Variants in RPS20 observed in about 807,000 individuals in gnomAD.
RPS20 encodes small ribosomal subunit protein uS10.
Under a neutral mutation model 15.3 loss-of-function variants are expected in RPS20, and 3 were observed. The observed-to-expected ratio is 0.20, with a 90% CI of 0.09 to 0.51. The LOEUF (loss-of-function observed/expected upper bound fraction) is 0.51. Ranked by LOEUF, RPS20 falls within the 20% of genes least tolerant of loss-of-function variation. The probability of loss-of-function intolerance (pLI) is 0.96; values close to 1 mark genes in which losing one functional copy is unlikely to be tolerated. For missense variants in RPS20, 67 were observed against 145.9 expected (o/e 0.46, Z 2.79); for synonymous variants, 62 against 47.8 (o/e 1.30, Z -1.23).
chr8:56,072,439 C>G (rs1460030473), downstream of RPS20, among the ~76,000 whole-genome samples: 3 of 150,868 alleles, frequency 2.0e-5, no homozygotes, highest in African/African-American at 4.9e-5. Flanking sequence ...GTAATCCCAA[C>G]TACTTGGGAG....
chr8:56,072,503 G>GAAC (rs939866893), downstream of RPS20, among the ~76,000 whole-genome samples: 2 of 149,156 alleles, frequency 1.3e-5, no homozygotes, highest in African/African-American at 5.0e-5. Context: ...AGTGAGCCAA[G>GAAC]AACACACCAC....
chr8:56,068,608 T>C (rs1286907062), downstream of RPS20: 1 of 149,236 alleles, frequency 6.7e-6, no homozygotes, highest in Non-Finnish European at 1.5e-5. Context: ...CAGAAGGTCA[T>C]GCAATCAATA....
downstream of RPS20, chr8:56,069,965 T>C (rs1809707447): frequency 3.0e-6 from 2 of 658,362 alleles, no homozygotes; most frequent in African/African-American, 1.8e-5. Context: ...GTATTACAAG[T>C]AATCTAGAGA....
At chr8:56,072,699 A>G (rs985810072), downstream of RPS20, 14 of 182,824 alleles carry the variant, frequency 7.7e-5, no homozygotes, top group Non-Finnish European at 1.3e-4. Flanking sequence ...TAAGGACGTT[A>G]AACTTGGTTA....
chr8:56,072,553 C>T (rs931229757), downstream of RPS20, among the ~76,000 whole-genome samples: 2 of 148,856 alleles, frequency 1.3e-5, no homozygotes, highest in African/African-American at 2.5e-5. Context: ...CGCCGTCCCC[C>T]CCCCCAAAAA....
intron 2 of RPS20, 98 bp from the exon 3 acceptor site, chr8:56,073,866 C>T (rs1809843127): frequency 8.2e-7 from 1 of 1,213,742 alleles, no homozygotes; most frequent in Middle Eastern, 1.9e-4. Context: ...AAAATTATCA[C>T]CGTTACTCAA....
chr8:56,068,805 A>ATTTT (rs1320901753), downstream of RPS20, among the ~76,000 whole-genome samples: 5 of 41,526 alleles, frequency 1.2e-4, no homozygotes, highest in Admixed American at 3.5e-4. Flanking sequence ...TGGTGAAAAT[A>ATTTT]TCTTTTTTTT....
chr8:56,072,749 A>C (rs1429631380), downstream of RPS20: 13 of 354,150 alleles, frequency 3.7e-5, no homozygotes, highest in Non-Finnish European at 4.7e-5. Context: ...ACACGTGCCT[A>C]CTAGCGCACT....
chr8:56,074,489 C>T lies in RPS20; in HGVS notation c.-106G>A, dbSNP rs1254104206. 7.9e-7 allele frequency: 1 copy of T among 1,267,014 alleles called. No homozygotes were observed. Among genetic ancestry groups the T allele is most frequent in the East Asian group, 2.5e-5 (1 of 39,324 alleles). 78.5% of individuals were successfully genotyped at this position (1,267,014 alleles called of 1,614,324 possible). A position where few individuals can be genotyped will look rare whatever the true frequency, so the allele number is the denominator to read the frequency against. On this transcript the variant is annotated 5_prime_UTR_variant, in exon 1 of 4. Coordinates refer to ENST00000009589, the MANE Select transcript of RPS20 (RefSeq NM_001023.4). ...ACCAAAAATCCTCAGCCCTTACGAC[C>T]GCGTCTTCCTCAAAAAGAAAGGGGT...
downstream of RPS20, among the ~76,000 whole-genome samples, chr8:56,070,242 G>A (rs549140639): frequency 4.6e-5 from 7 of 152,254 alleles, no homozygotes; most frequent in South Asian, 1.0e-3. Context: ...ATATGCATTT[G>A]AGATAGATAC....
downstream of RPS20, among the ~76,000 whole-genome samples, chr8:56,070,187 C>T (rs973216197): frequency 6.6e-6 from 1 of 152,158 alleles, no homozygotes; most frequent in Non-Finnish European, 1.5e-5. Flanking sequence ...ACAAGTTAGT[C>T]TTGGTTTCTT....
chr8:56,071,294 G>A (rs759464071), downstream of RPS20, among the ~76,000 whole-genome samples: 9 of 152,106 alleles, frequency 5.9e-5, no homozygotes, highest in Admixed American at 1.3e-4. Flanking sequence ...CTCAAGACAT[G>A]TGTGCTCTAA....
chr8:56,071,226 T>C (rs1297961537), downstream of RPS20, among the ~76,000 whole-genome samples: 2 of 152,198 alleles, frequency 1.3e-5, no homozygotes, highest in African/African-American at 4.8e-5. Flanking sequence ...TTTTTCACAG[T>C]ATATGTTCTC....
At chr8:56,073,635 C>T (rs976227526) in intron 3 of RPS20, 60 bp downstream of exon 3, 35 of 1,427,462 alleles carry the variant, frequency 2.5e-5, no homozygotes, top group Non-Finnish European at 3.5e-5. Flanking sequence ...CCTTAAAGAA[C>T]CTGAATTTAT....
In RPS20 at chr8:56,074,459, T is replaced by C; in HGVS notation, c.-76A>G. On this transcript the variant is annotated 5_prime_UTR_variant, in exon 1 of 4. Coordinates refer to ENST00000009589, the MANE Select transcript of RPS20 (RefSeq NM_001023.4). ...CAGCGGTGAGTCAGGAGCAGGAGCGTGCGGACCAAAAATCCTCAGCCCTTA... is the reference window on the plus strand; with the variant it reads ...CAGCGGTGAGTCAGGAGCAGGAGCGCGCGGACCAAAAATCCTCAGCCCTTA... 10 of 1,508,724 alleles carry C rather than the reference T, an allele frequency of 6.6e-6. No individual in the cohort carries two copies. Among genetic ancestry groups the C allele is most frequent in the African/African-American group, 4.2e-5 (3 of 72,168 alleles). 93.5% of individuals were successfully genotyped at this position (1,508,724 alleles called of 1,614,324 possible).
At chr8:56,070,379 C>T (rs150207411), downstream of RPS20, among the ~76,000 whole-genome samples, 290 of 152,298 alleles carry the variant, frequency 1.9e-3, 1 homozygote, top group African/African-American at 6.4e-3. Flanking sequence ...CTTCTGTACT[C>T]TTGCCTGTTC....
chr8:56,074,279 T>C (rs1464249228), intron 1 of RPS20, 102 bp downstream of exon 1: 36 of 1,536,956 alleles, frequency 2.3e-5, no homozygotes, highest in Non-Finnish European at 3.2e-5. Context: ...TTTCCGCCCC[T>C]ACACGCCCCG....
At chr8:56,067,670 A>T (rs1563345168) in exon 6 of RPS20, 1 of 149,976 alleles carries the variant, frequency 6.7e-6, no homozygotes, top group Non-Finnish European at 1.5e-5. Flanking sequence ...TGGGCGACAG[A>T]GCGAGACTCC....
At chr8:56,071,775 T>C (rs1809762737), downstream of RPS20, among the ~76,000 whole-genome samples, 2 of 152,226 alleles carry the variant, frequency 1.3e-5, no homozygotes, top group Non-Finnish European at 2.9e-5. Context: ...CGTGAAAGCC[T>C]AGGCCCAAAT....
Sources: allele counts gnomAD v4.1 joint callset (sites outside exome capture counted in the v4.1 genomes callset), GRCh38; gene constraint gnomAD v4.1.1; transcripts MANE v1.5; gene names NCBI Gene and HGNC (gene_info 2026-07-23, HGNC 2026-07-21).